The following ZNF664 variants were observed in gnomAD, a reference collection of about 807,000 sequenced individuals.
ZNF664 encodes zinc finger Organ of Corti 1.
A neutral mutation model predicts 18.2 loss-of-function variants in ZNF664; 10 were observed. That is an observed-to-expected ratio of 0.55 (90% CI 0.34 to 0.93). The LOEUF (loss-of-function observed/expected upper bound fraction) is 0.93, where lower values mean the gene tolerates loss of function less well. ZNF664 is among the 40% of genes least tolerant of loss of function. ZNF664 has a pLI of 0.02. For missense variants in ZNF664, 193 were observed against 319.0 expected, an observed-to-expected ratio of 0.61 and a Z score of 3.01; for synonymous variants, 119 against 104.2, an observed-to-expected ratio of 1.14 and a Z score of -0.86.
rs1470106011 is a variant in ZNF664 at position 123,973,519 on chromosome 12, C to T, written c.-892+167C>T. 7 of 407,148 alleles carry T rather than the reference C, an allele frequency of 1.7e-5. No homozygotes were observed. The East Asian group carries it at 4.9e-4, about 28-fold the overall frequency. The allele number at this position is 407,148 out of a possible 1,614,324, so 25.2% of individuals were successfully genotyped here. A position where few individuals can be genotyped will look rare whatever the true frequency, so the allele number is the denominator to read the frequency against. Reference sequence around the variant, plus strand: ...CTCGGGATGGCGGGGAAGGTCAGAGCGGCTCCGCGCAGCCTGGCGGGTCCC... The same window carrying T: ...CTCGGGATGGCGGGGAAGGTCAGAGTGGCTCCGCGCAGCCTGGCGGGTCCC... On this transcript the variant is annotated intron_variant, in intron 1 of 4. Coordinates refer to ENST00000337815, the MANE Select transcript of ZNF664 (RefSeq NM_152437.3).
chr12:123,974,243 C>CT (rs568930438), intron 2 of ZNF664: 71 of 393,608 alleles, frequency 1.8e-4, no homozygotes, highest in African/African-American at 1.1e-3. Context: ...TTGCCGAACT[C>CT]TAACAACTAA....
At position 124,012,822 on chromosome 12, in the gene ZNF664, T is replaced by C. The variant is rs765860012; in HGVS notation, c.678T>C (p.Pro226=). Residue 226 remains proline, a synonymous_variant, in exon 5 of 5, where the codon CCT becomes CCC. Coordinates refer to ENST00000337815, the MANE Select transcript of ZNF664 (RefSeq NM_152437.3). Reference sequence around the variant, plus strand: ...AGAGAGTCCACACAGGAGAGAAACCTTTCAAATGTGATGAGTGCGGAAAGG... The same window carrying C: ...AGAGAGTCCACACAGGAGAGAAACCCTTCAAATGTGATGAGTGCGGAAAGG... ...IHQRVHTGEK[P]FKCDECGKAF... The C allele has an allele frequency of 2.5e-6, 4 of 1,608,494 alleles. No individual in the cohort carries two copies. In the Admixed American group the frequency reaches 6.7e-5, roughly 27 times the overall value.
chr12:123,993,780 C>G (rs1956915224), intron 3 of ZNF664, among the ~76,000 whole-genome samples: 1 of 152,150 alleles, frequency 6.6e-6, no homozygotes, highest in African/African-American at 2.4e-5. Context: ...GTTGTTTTAT[C>G]TGCTGAGACT....
intron 3 of ZNF664, among the ~76,000 whole-genome samples, chr12:124,001,050 C>G (rs1280928911): frequency 6.6e-6 from 1 of 152,146 alleles, no homozygotes; most frequent in Non-Finnish European, 1.5e-5. Flanking sequence ...CTTGGTCTTT[C>G]TAAAGTTTTC....
At chr12:123,995,309 A>G (rs753669272) in intron 3 of ZNF664, among the ~76,000 whole-genome samples, 5 of 152,264 alleles carry the variant, frequency 3.3e-5, no homozygotes, top group Non-Finnish European at 5.9e-5. Flanking sequence ...ACTTGCCAAG[A>G]ACCACATTTA....
chr12:123,977,403 A>G (rs1334551874), intron 2 of ZNF664, among the ~76,000 whole-genome samples: 2 of 149,236 alleles, frequency 1.3e-5, no homozygotes, highest in East Asian at 2.0e-4. Flanking sequence ...GTATTAGTAT[A>G]TGTATAAAAT....
chr12:123,999,730 A>G (rs577682137), intron 3 of ZNF664, among the ~76,000 whole-genome samples: 5 of 152,324 alleles, frequency 3.3e-5, no homozygotes, highest in African/African-American at 1.2e-4. Flanking sequence ...AAAGGAAGAA[A>G]GGGCTAGAGT....
intron 3 of ZNF664, among the ~76,000 whole-genome samples, chr12:123,989,948 C>A (rs949317980): frequency 6.6e-6 from 1 of 152,212 alleles, no homozygotes; most frequent in Non-Finnish European, 1.5e-5. Flanking sequence ...CCTGCTCTTG[C>A]ACTTTGTGCT....
At chr12:124,010,806 G>T (rs769520688) in intron 3 of ZNF664, among the ~76,000 whole-genome samples, 1 of 152,110 alleles carries the variant, frequency 6.6e-6, no homozygotes, top group Non-Finnish European at 1.5e-5. Flanking sequence ...GAGTCTAGCC[G>T]GGGGGCCTCT....
In ZNF664 at chr12:124,012,290, A is replaced by G; in HGVS notation, c.146A>G (p.His49Arg). 6.2e-7 allele frequency: 1 copy of G among 1,614,250 alleles called. No individual in the cohort carries two copies. The highest frequency in any genetic ancestry group is 8.5e-7 in the Non-Finnish European group (1 of 1,180,048). ...TTTCATATATCAGAACTTCATATTC[A>G]TTGGAGAGACCATACAGGAGAGAAG... ...GFFHISELHI[H>R]WRDHTGEKVY... Residue 49 changes from histidine (H) to arginine (R), a missense_variant, in exon 5 of 5, where the codon CAT becomes CGT. By Grantham distance (29) the His-to-Arg change is conservative. Coordinates refer to ENST00000337815, the MANE Select transcript of ZNF664 (RefSeq NM_152437.3).
intron 3 of ZNF664, among the ~76,000 whole-genome samples, chr12:123,991,018 C>T (rs1956882690): frequency 2.0e-5 from 3 of 152,176 alleles, no homozygotes. Flanking sequence ...TGGTGAGAAT[C>T]AGTGACTACA....
chr12:123,980,237 CAT>C (rs1241206391), intron 2 of ZNF664, among the ~76,000 whole-genome samples: 1 of 152,156 alleles, frequency 6.6e-6, no homozygotes, highest in East Asian at 1.9e-4. Flanking sequence ...TTTCATATCA[CAT>C]GTGTTTGCAT....
chr12:123,979,417 G>C (rs1234736288), intron 2 of ZNF664, among the ~76,000 whole-genome samples: 1 of 152,128 alleles, frequency 6.6e-6, no homozygotes, highest in African/African-American at 2.4e-5. Context: ...ATGTAAAAGA[G>C]GCACCTAATA....
chr12:123,979,959 C>T (rs906653956), intron 2 of ZNF664, among the ~76,000 whole-genome samples: 9 of 152,214 alleles, frequency 5.9e-5, no homozygotes, highest in Non-Finnish European at 8.8e-5. Context: ...GTTGGGATTA[C>T]AGGCATGAGC....
chr12:124,004,584 G>T (rs1957048845), intron 3 of ZNF664, among the ~76,000 whole-genome samples: 1 of 152,170 alleles, frequency 6.6e-6, no homozygotes, highest in Non-Finnish European at 1.5e-5. Context: ...TAAGCCAGGG[G>T]TCCCCAACCT....
intron 3 of ZNF664, among the ~76,000 whole-genome samples, chr12:124,001,753 C>G (rs932334722): frequency 6.6e-6 from 1 of 152,214 alleles, no homozygotes; most frequent in Admixed American, 6.5e-5. Flanking sequence ...ATTGTCTCCC[C>G]ACTAGACTGC....
chr12:123,982,647 A>G (rs1956779292), intron 2 of ZNF664, among the ~76,000 whole-genome samples: 1 of 152,142 alleles, frequency 6.6e-6, no homozygotes, highest in East Asian at 1.9e-4. Flanking sequence ...TATCGGTTTT[A>G]CTGTTGCAGC....
intron 3 of ZNF664, among the ~76,000 whole-genome samples, chr12:123,991,667 G>A (rs900746546): frequency 2.6e-5 from 4 of 152,156 alleles, no homozygotes; most frequent in African/African-American, 4.8e-5. Flanking sequence ...TTTGCAGCTC[G>A]ATCAGATCAG....
intron 2 of ZNF664, among the ~76,000 whole-genome samples, chr12:123,975,329 T>C (rs932789544): frequency 6.6e-6 from 1 of 152,054 alleles, no homozygotes; most frequent in Non-Finnish European, 1.5e-5. Context: ...ACTTTTTAAA[T>C]TAATTTTTAT....
Sources: allele counts gnomAD v4.1 joint callset (sites outside exome capture counted in the v4.1 genomes callset), GRCh38; gene constraint gnomAD v4.1.1; transcripts MANE v1.5; gene names NCBI Gene and HGNC (gene_info 2026-07-23, HGNC 2026-07-21).